FYB1: variants seen among roughly 807,000 people sequenced by gnomAD.
FYB1 encodes the protein FYN binding protein 1, also known as FYN-binding protein 1.
In FYB1, 41 loss-of-function variants were observed where a neutral mutation model predicts 94.1. That is an observed-to-expected ratio of 0.44 (90% CI 0.34 to 0.57). The LOEUF (loss-of-function observed/expected upper bound fraction) is 0.57, where lower values mean the gene tolerates loss of function less well. FYB1 is among the 20% of genes least tolerant of loss of function. The pLI, the probability that FYB1 is intolerant of heterozygous loss-of-function variation, is 0.02. For missense variants in FYB1, 1,050 were observed against 976.8 expected (o/e 1.07, Z -1.00); for synonymous variants, 367 against 353.2 (o/e 1.04, Z -0.44).
chr5:39,212,962 A>G (rs1309151231), intron 1 of FYB1: 3 of 150,448 alleles, frequency 2.0e-5, no homozygotes, highest in Non-Finnish European at 4.4e-5. Flanking sequence ...CTAGATTAAC[A>G]TCTGTGCTTT....
At chr5:39,227,663 T>A (rs1296208782) in intron 1 of FYB1, among the ~76,000 whole-genome samples, 1 of 152,224 alleles carries the variant, frequency 6.6e-6, no homozygotes, top group East Asian at 1.9e-4. Context: ...AGTCTGATTC[T>A]CTGATGCAAC....
chr5:39,242,256 A>G (rs1200022997), intron 1 of FYB1, among the ~76,000 whole-genome samples: 4 of 151,744 alleles, frequency 2.6e-5, no homozygotes, highest in Admixed American at 6.6e-5. Flanking sequence ...TGTCATTTAC[A>G]TTAGGTATAT....
At chr5:39,227,348 T>C (rs566866265) in intron 1 of FYB1, among the ~76,000 whole-genome samples, 14 of 152,326 alleles carry the variant, frequency 9.2e-5, no homozygotes, top group African/African-American at 3.4e-4. Flanking sequence ...TTATTTTTCA[T>C]AGGGGATGCC....
intron 2 of FYB1, among the ~76,000 whole-genome samples, chr5:39,156,897 G>A (rs1365513345): frequency 6.6e-6 from 1 of 152,080 alleles, no homozygotes; most frequent in Non-Finnish European, 1.5e-5. Flanking sequence ...GAAAGGGGAT[G>A]AATATTGAAC....
In FYB1 at chr5:39,195,508, T is replaced by G. The variant is rs181079388; in HGVS notation, c.1135+6318A>C. ...GCCCAGGCACCTTTTGGTTTCAAGT[T>G]GTTGTAGGCTGGATTAGTTAAATGA... On this transcript the variant is annotated intron_variant, in intron 2 of 18. Coordinates refer to ENST00000512982, the MANE Select transcript of FYB1 (RefSeq NM_001465.6). Among the ~76,000 whole-genome samples the G allele has an allele frequency of 1.0e-3, 157 of 152,290 alleles. 1 individual carries two copies. Among genetic ancestry groups the G allele is most frequent in the Non-Finnish European group, 1.8e-3 (122 of 68,032 alleles).
intron 1 of FYB1, among the ~76,000 whole-genome samples, chr5:39,258,374 C>A (rs1488393151): frequency 6.6e-6 from 1 of 152,064 alleles, no homozygotes; most frequent in Non-Finnish European, 1.5e-5. Context: ...CTGAGGTAGG[C>A]AGATCACCTG....
chr5:39,208,477 T>C (rs1749054390), intron 1 of FYB1, among the ~76,000 whole-genome samples: 1 of 152,216 alleles, frequency 6.6e-6, no homozygotes, highest in Non-Finnish European at 1.5e-5. Context: ...GTTAGTTATG[T>C]TGAGATAAAG....
rs141134453 is a variant in FYB1, at chr5:39,171,900, T to C, written c.1136-18296A>G. Among the ~76,000 whole-genome samples, 230 of 152,228 alleles carry C rather than the reference T, an allele frequency of 1.5e-3. 1 individual carries two copies. The highest frequency in any genetic ancestry group is 2.5e-3 in the Non-Finnish European group (168 of 68,022). ...TGGGAAAAGCCTTGTTAAGATGCCA[T>C]GGCATTACCTCTTTTGTAATTGGAC... is the stretch of plus-strand genomic sequence containing the variant. On this transcript the variant is annotated intron_variant, in intron 2 of 18. Transcript: ENST00000512982.
intron 1 of FYB1, among the ~76,000 whole-genome samples, chr5:39,203,643 T>C (rs781420085): frequency 2.0e-5 from 3 of 152,198 alleles, no homozygotes; most frequent in Non-Finnish European, 2.9e-5. Context: ...CCTGTATCCA[T>C]ACTAGCAGGC....
At chr5:39,121,239 G>T (rs1740070186) in intron 14 of FYB1, among the ~76,000 whole-genome samples, 1 of 147,764 alleles carries the variant, frequency 6.8e-6, no homozygotes, top group Non-Finnish European at 1.5e-5. Flanking sequence ...AAACACCACT[G>T]GTGAGAAATA....
intron 10 of FYB1, 73 bp from the exon 11 acceptor site, chr5:39,127,880 T>C: frequency 1.4e-6 from 2 of 1,390,344 alleles, no homozygotes; most frequent in Non-Finnish European, 1.9e-6. Context: ...CAGATTTTAA[T>C]TGTAAATCTT....
At chr5:39,141,202 A>C in intron 3 of FYB1, 61 bp from the exon 4 acceptor site, 1 of 1,060,132 alleles carries the variant, frequency 9.4e-7, no homozygotes, top group South Asian at 1.4e-5. Context: ...CTTACAATGA[A>C]AAAGGGAAAA....
intron 1 of FYB1, among the ~76,000 whole-genome samples, chr5:39,274,199 A>C (rs72736576): frequency 0.033 from 5,039 of 152,322 alleles, 104 homozygotes; most frequent in Middle Eastern, 0.048. Flanking sequence ...CTGGGATTAC[A>C]GGTATTAGGT....
At position 39,180,654 on chromosome 5, in the gene FYB1, T is replaced by TTGC. The variant is rs375524051; in HGVS notation, c.1135+21169_1135+21171dup. ...ATTTTAGCAAAAGATGCTAATGCTG[T>TTGC]TGCTGCTGCCTCCACGAAGTGGTAA... On this transcript the variant is annotated intron_variant, in intron 2 of 18. Coordinates refer to ENST00000512982, the MANE Select transcript of FYB1 (RefSeq NM_001465.6). Among the ~76,000 whole-genome samples, 299 of 152,308 alleles carry TTGC rather than the reference T, an allele frequency of 2.0e-3. 1 individual carries two copies. The Middle Eastern group carries it at 0.024, about 12-fold the overall frequency.
At chr5:39,114,544 T>G (rs1177860717) in intron 16 of FYB1, among the ~76,000 whole-genome samples, 1 of 152,188 alleles carries the variant, frequency 6.6e-6, no homozygotes, top group African/African-American at 2.4e-5. Flanking sequence ...AAGGATAACA[T>G]TAGTTTCACC....
At chr5:39,220,486 GAA>G (rs1052229344), upstream of FYB1, among the ~76,000 whole-genome samples, 1 of 149,934 alleles carries the variant, frequency 6.7e-6, no homozygotes, top group African/African-American at 2.4e-5. Flanking sequence ...ACTCAAAAAA[GAA>G]AAGAGAAAAA....
chr5:39,178,761 A>C (rs145735214), intron 2 of FYB1, among the ~76,000 whole-genome samples: 2 of 152,362 alleles, frequency 1.3e-5, no homozygotes, highest in East Asian at 3.9e-4. Flanking sequence ...TTAAAGAAAT[A>C]TCACCTGGGA....
intron 1 of FYB1, among the ~76,000 whole-genome samples, chr5:39,214,243 A>T (rs932733626): frequency 6.6e-6 from 1 of 152,246 alleles, no homozygotes; most frequent in African/African-American, 2.4e-5. Context: ...GAAAATAACG[A>T]GTGTTGGACA....
intron 1 of FYB1, among the ~76,000 whole-genome samples, chr5:39,232,371 A>G (rs1750780968): frequency 2.0e-5 from 3 of 151,982 alleles, no homozygotes; most frequent in Non-Finnish European, 4.4e-5. Context: ...TCTGGGCACC[A>G]CTCTACCCGT....
Sources: allele counts gnomAD v4.1 joint callset (sites outside exome capture counted in the v4.1 genomes callset), GRCh38; gene constraint gnomAD v4.1.1; transcripts MANE v1.5; gene names NCBI Gene and HGNC (gene_info 2026-07-23, HGNC 2026-07-21).